Variants in PDE1A observed in about 807,000 individuals in gnomAD.
The protein encoded by PDE1A is phosphodiesterase 1A.
A neutral mutation model predicts 61.7 loss-of-function variants in PDE1A; 35 were observed. The observed-to-expected ratio is 0.57, with a 90% confidence interval of 0.43 to 0.75. The LOEUF is 0.75. Among genes scored for constraint, PDE1A ranks in the 30% least tolerant of loss-of-function variants. The probability of loss-of-function intolerance (pLI) is 0.00; values close to 1 mark genes in which losing one functional copy is unlikely to be tolerated. For missense variants in PDE1A, 597 were observed against 630.6 expected (o/e 0.95, Z 0.57); for synonymous variants, 232 against 213.2 (o/e 1.09, Z -0.77).
In PDE1A at chr2:182,201,794, A is replaced by T. The variant is rs1252788913; in HGVS notation, c.903-5T>A. ...ATCACTAGGTTCCGAAGATCCCTGC[A>T]GAGTCACCAAAAGGAGAAAGGTTCA... On this transcript the variant is annotated splice_polypyrimidine_tract_variant and splice_region_variant and intron_variant, in intron 8 of 13. Coordinates refer to ENST00000351439, the Ensembl canonical transcript of PDE1A. 6.4e-7 allele frequency: 1 copy of T among 1,572,210 alleles called. No individual in the cohort carries two copies. The highest frequency in any genetic ancestry group is 1.8e-5 in the Admixed American group (1 of 54,406).
the PDE1A span, among the ~76,000 whole-genome samples, chr2:182,691,234 C>G: frequency 6.6e-6 from 1 of 152,152 alleles, no homozygotes; most frequent in Non-Finnish European, 1.5e-5. Context: ...CAATCCTAAG[C>G]CAAAAGAACA....
intron 1 of PDE1A, among the ~76,000 whole-genome samples, chr2:182,425,292 A>T (rs958715551): frequency 2.6e-5 from 4 of 152,120 alleles, no homozygotes; most frequent in African/African-American, 9.7e-5. Context: ...TACCTTTTTG[A>T]AGTCGCACGT....
chr2:182,505,562 A>G (rs1414208687), intron 2 of PDE1A, among the ~76,000 whole-genome samples: 1 of 152,174 alleles, frequency 6.6e-6, no homozygotes, highest in Non-Finnish European at 1.5e-5. Context: ...CCTCACTCAC[A>G]TGTCCGGTAG....
chr2:182,382,030 C>T (rs1272257771), intron 1 of PDE1A, among the ~76,000 whole-genome samples: 1 of 151,896 alleles, frequency 6.6e-6, no homozygotes, highest in Non-Finnish European at 1.5e-5. Flanking sequence ...TAAGTTTTGA[C>T]AATAAACAAA....
At chr2:182,463,176 T>G (rs1686422794) in intron 2 of PDE1A, among the ~76,000 whole-genome samples, 1 of 151,686 alleles carries the variant, frequency 6.6e-6, no homozygotes, top group South Asian at 2.1e-4. Context: ...GAGGCGGAGG[T>G]TGCAGTGAGC....
upstream of PDE1A, among the ~76,000 whole-genome samples, chr2:182,524,505 T>G (rs1690736852): frequency 6.6e-6 from 1 of 152,118 alleles, no homozygotes; most frequent in Non-Finnish European, 1.5e-5. Flanking sequence ...CTATGTAACT[T>G]CTATCACACA....
At chr2:182,567,452 T>C in the PDE1A span, among the ~76,000 whole-genome samples, 2 of 152,220 alleles carry the variant, frequency 1.3e-5, no homozygotes, top group Non-Finnish European at 2.9e-5. Context: ...CAAATAGTTA[T>C]GAAAAGGAAA....
At chr2:182,492,874 A>G (rs901928257) in intron 2 of PDE1A, among the ~76,000 whole-genome samples, 5 of 152,224 alleles carry the variant, frequency 3.3e-5, no homozygotes. Flanking sequence ...CATACTAAAA[A>G]GTCATTGGCA....
Position 182,480,309 on chromosome 2 carries a change from T to C in PDE1A, c.101+41967A>G, listed in dbSNP as rs74639564. Among the ~76,000 whole-genome samples the C allele has an allele frequency of 5.5e-3, 843 of 152,042 alleles. 8 individuals are homozygous for C. The highest frequency in any genetic ancestry group is 0.019 in the African/African-American group (790 of 41,518). Reference sequence around the variant, plus strand: ...GGTATTAAGTGCCAGAAACTGTACATGGTGATTAAAACCTACAGTTGGAAG... The same window carrying C: ...GGTATTAAGTGCCAGAAACTGTACACGGTGATTAAAACCTACAGTTGGAAG... On this transcript the variant is annotated intron_variant, in intron 2 of 14. Transcript: ENST00000410103.
intron 13 of PDE1A, among the ~76,000 whole-genome samples, chr2:182,156,383 T>C (rs1691082244): frequency 6.6e-6 from 1 of 152,024 alleles, no homozygotes; most frequent in African/African-American, 2.4e-5. Flanking sequence ...TCATACACCA[T>C]CTAAGTGACA....
the PDE1A span, among the ~76,000 whole-genome samples, chr2:182,644,261 C>CTGTGTGTGTGTGTGTGTG: frequency 1.5e-5 from 1 of 68,324 alleles, no homozygotes; most frequent in Non-Finnish European, 3.1e-5. Context: ...AGTCTTAAGA[C>CTGTGTGTGTGTGTGTGTG]TCTGTGTGTG....
chr2:182,511,413 T>C (rs923976924), intron 2 of PDE1A, among the ~76,000 whole-genome samples: 5 of 151,816 alleles, frequency 3.3e-5, no homozygotes, highest in African/African-American at 9.7e-5. Flanking sequence ...GGGGCCAGGG[T>C]GAGTAAAATA....
intron 1 of PDE1A, among the ~76,000 whole-genome samples, chr2:182,378,905 T>C (rs1372841952): frequency 6.6e-6 from 1 of 152,208 alleles, no homozygotes; most frequent in Non-Finnish European, 1.5e-5. Context: ...ATTCTTATTT[T>C]AACATAGCTT....
At position 182,386,905 on chromosome 2, in the gene PDE1A, C is replaced by T. The variant is rs191438490; in HGVS notation, c.53+39673G>A. 5.7e-3 allele frequency among the ~76,000 whole-genome samples: 864 copies of T among 152,340 alleles called. 7 individuals carry two copies. The highest frequency in any genetic ancestry group is 0.019 in the African/African-American group (808 of 41,578). On this transcript the variant is annotated intron_variant, in intron 1 of 13. Coordinates refer to ENST00000351439, the Ensembl canonical transcript of PDE1A. ...GGAGCCCCTCTGCCCGGCCACCACC[C>T]GGTCTGGGAGGCGCACCCAACAGCT...
At chr2:182,662,691 G>A in the PDE1A span, among the ~76,000 whole-genome samples, 1 of 152,018 alleles carries the variant, frequency 6.6e-6, no homozygotes, top group Non-Finnish European at 1.5e-5. Context: ...ATCAACTCAA[G>A]ATGGATTAAA....
chr2:182,320,432 T>C (rs914396228), intron 1 of PDE1A, among the ~76,000 whole-genome samples: 7 of 152,054 alleles, frequency 4.6e-5, no homozygotes, highest in African/African-American at 1.7e-4. Context: ...AAATACAGCT[T>C]CACATAGGCT....
At chr2:182,600,219 C>T in the PDE1A span, among the ~76,000 whole-genome samples, 2 of 152,086 alleles carry the variant, frequency 1.3e-5, no homozygotes, top group African/African-American at 4.8e-5. Context: ...TCATCATCAA[C>T]GCATTTCTCT....
At chr2:182,420,774 T>G (rs1161532131) in intron 1 of PDE1A, among the ~76,000 whole-genome samples, 4 of 152,318 alleles carry the variant, frequency 2.6e-5, no homozygotes, top group African/African-American at 9.6e-5. Context: ...GCTTGGATAT[T>G]ACAAAGATAA....
chr2:182,334,267 G>C (rs10196288), intron 1 of PDE1A, among the ~76,000 whole-genome samples: 91,981 of 145,638 alleles, frequency 0.63, 30,282 homozygotes, highest in Middle Eastern at 0.76. Context: ...CCCTGGAAGA[G>C]ACACACACAC....
Sources: allele counts gnomAD v4.1 joint callset (sites outside exome capture counted in the v4.1 genomes callset), GRCh38; gene constraint gnomAD v4.1.1; transcripts MANE v1.5; gene names NCBI Gene and HGNC (gene_info 2026-07-23, HGNC 2026-07-21).